Variants in SLC9A7 observed in about 807,000 individuals in gnomAD.
SLC9A7 encodes the protein solute carrier family 9 member A7, also known as sodium/hydrogen exchanger 7.
SLC9A7 carries 19 observed loss-of-function variants against 52.6 expected under a neutral mutation model. That is an observed-to-expected ratio of 0.36 (90% CI 0.25 to 0.53). SLC9A7 has a LOEUF of 0.53. Ranked by LOEUF, SLC9A7 falls within the 20% of genes least tolerant of loss-of-function variation. The pLI is 0.91. For synonymous variants in SLC9A7, 226 were observed against 252.1 expected (o/e 0.90, Z 0.98); for missense variants, 455 against 597.9 (o/e 0.76, Z 2.49).
At chrX:46,738,376 G>A (rs746834404) in intron 1 of SLC9A7, among the ~76,000 whole-genome samples, 6 of 112,306 alleles carry the variant, frequency 5.3e-5, no homozygotes, top group Admixed American at 9.4e-5. Flanking sequence ...TTAATTACAG[G>A]ACTCCTGTGG....
chrX:46,656,010 C>T (rs6521136), intron 7 of SLC9A7, among the ~76,000 whole-genome samples: 29,905 of 106,207 alleles, frequency 0.28, 4,006 homozygotes, highest in African/African-American at 0.46. Context: ...TCTCCCAGCA[C>T]GCAGCTGGAG....
chrX:46,748,575 A>G (rs144374253), intron 1 of SLC9A7, among the ~76,000 whole-genome samples: 240 of 105,502 alleles, frequency 2.3e-3, no homozygotes, highest in African/African-American at 7.9e-3. Flanking sequence ...GTACACACAC[A>G]CACACACACA....
chrX:46,623,539 T>C (rs1943077907), intron 14 of SLC9A7, among the ~76,000 whole-genome samples: 1 of 111,269 alleles, frequency 9.0e-6, no homozygotes, highest in Non-Finnish European at 1.9e-5. Flanking sequence ...GACATAGCAC[T>C]CCAAGAAGTG....
In SLC9A7 at chrX:46,629,490, G is replaced by A. The variant is rs2146721042; in HGVS notation, c.1740+2096C>T. 1.8e-5 allele frequency among the ~76,000 whole-genome samples: 2 copies of A among 112,050 alleles called. 1 individual carries two copies. The highest frequency in any genetic ancestry group is 7.4e-4 in the South Asian group (2 of 2,709). On this transcript the variant is annotated intron_variant, in intron 14 of 16. Transcript: ENST00000616978. ...CAAGCCCAGTGTTCCCAGTGCGCAG[G>A]GCTCATGTGATACATAGTAAGTTCT...
intron 3 of SLC9A7, among the ~76,000 whole-genome samples, chrX:46,677,888 T>G (rs1944144628): frequency 8.9e-6 from 1 of 112,231 alleles, no homozygotes; most frequent in Admixed American, 9.5e-5. Flanking sequence ...TTAATATAGG[T>G]CTGTTCAAGC....
chrX:46,756,955 G>A lies in SLC9A7; in HGVS notation c.325+1750C>T, dbSNP rs182335216. 1.5e-3 allele frequency among the ~76,000 whole-genome samples: 168 copies of A among 111,987 alleles called. 2 individuals are homozygous for A. The South Asian group carries it at 0.059, about 39-fold the overall frequency. ...AAGGTGATTGAACTCCTCAGAACAC[G>A]GAGTACTCTCCAGAAAATATATTTT... On this transcript the variant is annotated intron_variant, in intron 1 of 16. Coordinates refer to ENST00000616978, the MANE Select transcript of SLC9A7 (RefSeq NM_001257291.2).
chrX:46,721,024 C>T (rs963014639), intron 1 of SLC9A7, among the ~76,000 whole-genome samples: 4 of 111,930 alleles, frequency 3.6e-5, no homozygotes, highest in African/African-American at 6.5e-5. Context: ...GACTTCAAAT[C>T]GGCATGCCCA....
At chrX:46,642,040 G>A (rs1421093075) in intron 12 of SLC9A7, among the ~76,000 whole-genome samples, 1 of 112,408 alleles carries the variant, frequency 8.9e-6, no homozygotes, top group East Asian at 2.8e-4. Flanking sequence ...GCCCAGAAAT[G>A]GTGAAGCTGG....
At chrX:46,734,312 A>G (rs1481156905) in intron 1 of SLC9A7, among the ~76,000 whole-genome samples, 1 of 111,908 alleles carries the variant, frequency 8.9e-6, no homozygotes, top group Non-Finnish European at 1.9e-5. Context: ...GGTAACACCA[A>G]TCATAAAAGC....
chrX:46,682,575 A>C (rs763414211), intron 1 of SLC9A7, 40 bp from the exon 2 acceptor site: 111 of 1,121,210 alleles, frequency 9.9e-5, no homozygotes, highest in Non-Finnish European at 1.3e-4. Flanking sequence ...CTGAGGAAGG[A>C]TAGAGAAAGT....
chrX:46,738,685 G>A (rs922290580), intron 1 of SLC9A7, among the ~76,000 whole-genome samples: 1 of 109,115 alleles, frequency 9.2e-6, no homozygotes, highest in South Asian at 4.0e-4. Context: ...AAGAAGAATC[G>A]CTTGAGCCCA....
intron 3 of SLC9A7, among the ~76,000 whole-genome samples, chrX:46,678,150 C>T (rs1459321174): frequency 9.0e-6 from 1 of 110,808 alleles, no homozygotes; most frequent in Non-Finnish European, 1.9e-5. Context: ...CTCCCTTTTT[C>T]TCAACTGACC....
intron 1 of SLC9A7, among the ~76,000 whole-genome samples, chrX:46,689,008 C>A (rs1944342095): frequency 9.1e-6 from 1 of 110,305 alleles, no homozygotes; most frequent in South Asian, 3.8e-4. Context: ...TATTGTTATA[C>A]AATGAATTAT....
intron 11 of SLC9A7, among the ~76,000 whole-genome samples, chrX:46,646,081 T>G (rs1032157711): frequency 4.5e-5 from 5 of 110,875 alleles, no homozygotes; most frequent in African/African-American, 1.6e-4. Context: ...ACTGTTTTTT[T>G]TTGTTTTTGT....
chrX:46,720,584 A>T (rs1944844939), intron 1 of SLC9A7, among the ~76,000 whole-genome samples: 1 of 111,037 alleles, frequency 9.0e-6, no homozygotes. Flanking sequence ...TGGGAAAAAA[A>T]AAAATCCAAG....
In SLC9A7 at chrX:46,672,634, A is replaced by AAAAC. The variant is rs749781327; in HGVS notation, c.604-11_604-8dup. On this transcript the variant is annotated splice_region_variant and splice_polypyrimidine_tract_variant and intron_variant, in intron 3 of 16. Coordinates refer to ENST00000616978, the MANE Select transcript of SLC9A7 (RefSeq NM_001257291.2). Reference sequence around the variant, plus strand: ...GATTTCTGAAAAAGTGTCTCTGAATAAAACAAACAAACAAAACCCAGGAAT... The same window carrying AAAAC: ...GATTTCTGAAAAAGTGTCTCTGAATAAAACAAACAAACAAACAAAACCCAGGAAT... The AAAAC allele has an allele frequency of 5.2e-6, 6 of 1,160,366 alleles. No homozygotes were observed. The highest frequency in any genetic ancestry group is 4.7e-6 in the Non-Finnish European group (4 of 851,947).
At chrX:46,675,701 G>T (rs1223170448) in intron 3 of SLC9A7, among the ~76,000 whole-genome samples, 2 of 112,086 alleles carry the variant, frequency 1.8e-5, no homozygotes, top group South Asian at 3.7e-4. Context: ...CTGCCTTTTT[G>T]AAGTAGGTCA....
At chrX:46,662,182 T>G in intron 6 of SLC9A7, 25 bp from the exon 7 acceptor site, 1 of 1,187,153 alleles carries the variant, frequency 8.4e-7, no homozygotes, top group Admixed American at 2.3e-5. Context: ...CAAGAGACAG[T>G]TTTAAAAGAC....
intron 1 of SLC9A7, among the ~76,000 whole-genome samples, chrX:46,703,076 T>C (rs1944556025): frequency 8.9e-6 from 1 of 112,624 alleles, no homozygotes; most frequent in African/African-American, 3.2e-5. Flanking sequence ...TTGTATGTCT[T>C]CTTTTGAGAA....
Sources: allele counts gnomAD v4.1 joint callset (sites outside exome capture counted in the v4.1 genomes callset), GRCh38; gene constraint gnomAD v4.1.1; transcripts MANE v1.5; gene names NCBI Gene and HGNC (gene_info 2026-07-23, HGNC 2026-07-21).